Variants in OLFM2 observed in about 807,000 individuals in gnomAD.
OLFM2 encodes noelin-2.
Under a neutral mutation model 43.9 loss-of-function variants are expected in OLFM2, and 20 were observed. The observed-to-expected ratio is 0.46, with a 90% CI of 0.32 to 0.66. The LOEUF (loss-of-function observed/expected upper bound fraction) is 0.66, where lower values mean the gene tolerates loss of function less well. Among genes scored for constraint, OLFM2 ranks in the 30% least tolerant of loss-of-function variants. OLFM2 has a pLI of 0.04. For missense variants in OLFM2, 416 were observed against 643.6 expected, an observed-to-expected ratio of 0.65 and a Z score of 3.83; for synonymous variants, 268 against 278.6, an observed-to-expected ratio of 0.96 and a Z score of 0.38.
At chr19:9,932,197 TG>T (rs368316721) in intron 1 of OLFM2, among the ~76,000 whole-genome samples, 14,312 of 151,814 alleles carry the variant, frequency 0.094, 832 homozygotes, top group Non-Finnish European at 0.12. Flanking sequence ...TGGTGGCTCA[TG>T]CCTATAATCC....
chr19:9,910,504 T>G (rs765187676), intron 1 of OLFM2, among the ~76,000 whole-genome samples: 2 of 152,148 alleles, frequency 1.3e-5, no homozygotes, highest in African/African-American at 2.4e-5. Flanking sequence ...GAGGATCCCT[T>G]GAGCCCAGGA....
intron 1 of OLFM2, among the ~76,000 whole-genome samples, chr19:9,876,282 G>A (rs768199514): frequency 7.9e-5 from 12 of 152,146 alleles, no homozygotes; most frequent in Non-Finnish European, 1.6e-4. Context: ...GGAAAAGGTC[G>A]CCATGGGGGA....
chr19:9,905,837 C>T (rs148396180), intron 1 of OLFM2, among the ~76,000 whole-genome samples: 4 of 152,258 alleles, frequency 2.6e-5, no homozygotes, highest in South Asian at 2.1e-4. Flanking sequence ...CTGGCACAGG[C>T]GCTATACCCT....
At chr19:9,874,519 C>T (rs1599473674) in intron 1 of OLFM2, among the ~76,000 whole-genome samples, 1 of 151,946 alleles carries the variant, frequency 6.6e-6, no homozygotes, top group African/African-American at 2.4e-5. Flanking sequence ...CTCCCTCTGT[C>T]GCCCAGGCTG....
At chr19:9,879,559 C>A (rs1811069315) in intron 1 of OLFM2, among the ~76,000 whole-genome samples, 1 of 152,094 alleles carries the variant, frequency 6.6e-6, no homozygotes, top group South Asian at 2.1e-4. Flanking sequence ...GAGGCCTCCC[C>A]AGCTATGGTT....
At chr19:9,877,831 A>AT (rs113203437) in intron 1 of OLFM2, among the ~76,000 whole-genome samples, 10 of 149,990 alleles carry the variant, frequency 6.7e-5, no homozygotes, top group East Asian at 2.0e-4. Flanking sequence ...GGAAAAATAA[A>AT]TTTTTTTTTT....
At chr19:9,912,897 CACAGAG>C (rs2046838857) in intron 1 of OLFM2, among the ~76,000 whole-genome samples, 1 of 151,642 alleles carries the variant, frequency 6.6e-6, no homozygotes, top group Non-Finnish European at 1.5e-5. Flanking sequence ...TTCTCAGCGC[CACAGAG>C]ACAGAGACAA....
At chr19:9,906,181 TGG>T (rs1306881631) in intron 1 of OLFM2, among the ~76,000 whole-genome samples, 8 of 152,036 alleles carry the variant, frequency 5.3e-5, no homozygotes, top group Non-Finnish European at 7.4e-5. Context: ...CCCTTCCAGA[TGG>T]ATTGATGGGG....
At chr19:9,926,119 GGAGA>G (rs1277033165) in intron 1 of OLFM2, among the ~76,000 whole-genome samples, 1 of 146,308 alleles carries the variant, frequency 6.8e-6, no homozygotes, top group Non-Finnish European at 1.5e-5. Context: ...CCTGAGTGAT[GGAGA>G]GAGACCTCCT....
At chr19:9,859,453 A>T (rs573249568) in intron 2 of OLFM2, among the ~76,000 whole-genome samples, 276 of 152,258 alleles carry the variant, frequency 1.8e-3, no homozygotes, top group African/African-American at 6.4e-3. Context: ...AGTAGGTGGG[A>T]CTACAGGCAC....
intron 1 of OLFM2, among the ~76,000 whole-genome samples, chr19:9,889,547 G>A (rs1267204110): frequency 6.6e-6 from 1 of 152,182 alleles, no homozygotes; most frequent in Non-Finnish European, 1.5e-5. Context: ...ACCACACCCA[G>A]CCCAACTGTG....
intron 1 of OLFM2, among the ~76,000 whole-genome samples, chr19:9,904,294 G>A (rs776291410): frequency 2.0e-5 from 3 of 151,664 alleles, no homozygotes; most frequent in African/African-American, 4.8e-5. Context: ...AGGTTCAAGC[G>A]ATTCTCCTGC....
chr19:9,900,141 C>CG (rs1489035386), intron 1 of OLFM2, among the ~76,000 whole-genome samples: 2 of 152,084 alleles, frequency 1.3e-5, no homozygotes, highest in African/African-American at 4.8e-5. Flanking sequence ...TTCCCTGGGC[C>CG]GGTTAGGAGG....
At chr19:9,912,491 C>T (rs1333520611) in intron 1 of OLFM2, among the ~76,000 whole-genome samples, 1 of 151,988 alleles carries the variant, frequency 6.6e-6, no homozygotes, top group East Asian at 1.9e-4. Flanking sequence ...TTGGGAGGAG[C>T]CCCCCAAACA....
In OLFM2 at chr19:9,930,393, T is replaced by C. The variant is rs758320430; in HGVS notation, c.63+5911A>G. Among the ~76,000 whole-genome samples the C allele has an allele frequency of 4.6e-5, 7 of 152,176 alleles. No homozygotes were observed. In the South Asian group the frequency reaches 1.2e-3, roughly 27 times the overall value. ...TTTTATTTTTTTGGGGGGCATACCC[T>C]TAAATTTTGTACTATAGCTGAACTC... On this transcript the variant is annotated intron_variant, in intron 1 of 5. Transcript: ENST00000264833.
At chr19:9,927,402 A>G (rs2086460182) in intron 1 of OLFM2, among the ~76,000 whole-genome samples, 1 of 152,166 alleles carries the variant, frequency 6.6e-6, no homozygotes, top group Non-Finnish European at 1.5e-5. Flanking sequence ...ATCTGCACCC[A>G]CCATAGGCAT....
chr19:9,878,317 T>C (rs1473043189), intron 1 of OLFM2, among the ~76,000 whole-genome samples: 1 of 151,544 alleles, frequency 6.6e-6, no homozygotes, highest in Non-Finnish European at 1.5e-5. Context: ...CCATCTGAGC[T>C]TCAATCTTGG....
intron 5 of OLFM2, among the ~76,000 whole-genome samples, chr19:9,855,577 A>G (rs1375412819): frequency 6.7e-6 from 1 of 149,392 alleles, no homozygotes; most frequent in Non-Finnish European, 1.5e-5. Context: ...TGTTTTTCCC[A>G]GGCTGGCGGG....
chr19:9,904,679 A>T (rs2046770180), intron 1 of OLFM2, among the ~76,000 whole-genome samples: 1 of 151,896 alleles, frequency 6.6e-6, no homozygotes, highest in South Asian at 2.1e-4. Flanking sequence ...GAAGCCACAC[A>T]CTGGGGGTGG....
Sources: gnomAD v4.1 joint callset for allele counts (sites outside exome capture counted in the v4.1 genomes callset) on GRCh38, gnomAD v4.1.1 for gene constraint, MANE v1.5 for transcripts, NCBI Gene and HGNC (gene_info 2026-07-23, HGNC 2026-07-21) for gene names.